Variants in AFG2A observed in about 807,000 individuals in gnomAD.
AFG2A encodes the protein AAA ATPase AFG2A.
chr4:123,204,001 A>G, the AFG2A span, among the ~76,000 whole-genome samples: 4 of 152,152 alleles, frequency 2.6e-5, no homozygotes, highest in African/African-American at 9.7e-5. Flanking sequence ...CTCTTCCTTC[A>G]TCTTCAAAGG....
At chr4:123,248,779 A>G in the AFG2A span, among the ~76,000 whole-genome samples, 4 of 152,210 alleles carry the variant, frequency 2.6e-5, no homozygotes, top group East Asian at 7.7e-4. Context: ...TCAATCTATT[A>G]TTCTAACCTC....
At chr4:123,257,863 G>A in the AFG2A span, among the ~76,000 whole-genome samples, 7 of 152,214 alleles carry the variant, frequency 4.6e-5, no homozygotes, top group Middle Eastern at 3.4e-3. Context: ...TAGTAACATC[G>A]AAGTGCAAAA....
At chr4:123,214,683 G>T in the AFG2A span, among the ~76,000 whole-genome samples, 1 of 151,966 alleles carries the variant, frequency 6.6e-6, no homozygotes, top group Non-Finnish European at 1.5e-5. Flanking sequence ...ATTATAAAAA[G>T]TTAAAATTAT....
At chr4:122,995,186 A>G in the AFG2A span, among the ~76,000 whole-genome samples, 7 of 152,080 alleles carry the variant, frequency 4.6e-5, no homozygotes, top group Admixed American at 4.6e-4. Context: ...TTACAGGCTC[A>G]AAGATTGAGG....
the AFG2A span, among the ~76,000 whole-genome samples, chr4:122,931,381 T>C: frequency 7.2e-5 from 11 of 152,176 alleles, no homozygotes; most frequent in African/African-American, 2.4e-4. Context: ...TGGTTAGTTA[T>C]GTTCTATTAA....
At chr4:123,248,734 A>G in the AFG2A span, among the ~76,000 whole-genome samples, 2 of 152,226 alleles carry the variant, frequency 1.3e-5, no homozygotes, top group Non-Finnish European at 2.9e-5. Flanking sequence ...AGATTTAGAA[A>G]TAAAAATCAA....
the AFG2A span, among the ~76,000 whole-genome samples, chr4:122,988,703 C>T: frequency 6.6e-6 from 1 of 152,118 alleles, no homozygotes; most frequent in South Asian, 2.1e-4. Context: ...CCCATTATTT[C>T]TTTAAGTAAA....
chr4:122,942,429 T>C, the AFG2A span, among the ~76,000 whole-genome samples: 31 of 151,142 alleles, frequency 2.1e-4, no homozygotes, highest in Admixed American at 1.8e-3. Flanking sequence ...GTAGAGGTGT[T>C]TGTAGTATTC....
chr4:123,267,332 G>A, the AFG2A span, among the ~76,000 whole-genome samples: 1 of 151,810 alleles, frequency 6.6e-6, no homozygotes, highest in African/African-American at 2.4e-5. Context: ...GATTATTTCT[G>A]ATGTTCTTTA....
chr4:123,068,830 A>C, the AFG2A span, among the ~76,000 whole-genome samples: 5 of 152,182 alleles, frequency 3.3e-5, no homozygotes, highest in Non-Finnish European at 5.9e-5. Context: ...ACGTGTGAAC[A>C]AATTTTCTTT....
the AFG2A span, among the ~76,000 whole-genome samples, chr4:122,942,612 G>GT: frequency 2.6e-5 from 4 of 152,172 alleles, no homozygotes; most frequent in South Asian, 2.1e-4. Context: ...GTTTTGAAGG[G>GT]TTTTTTTATG....
the AFG2A span, among the ~76,000 whole-genome samples, chr4:123,161,821 A>AT: frequency 2.0e-5 from 3 of 152,228 alleles, no homozygotes; most frequent in East Asian, 5.8e-4. Flanking sequence ...CTAAATAAAA[A>AT]TAAGACAAGG....
At chr4:123,048,078 T>C in the AFG2A span, among the ~76,000 whole-genome samples, 1 of 152,202 alleles carries the variant, frequency 6.6e-6, no homozygotes, top group Non-Finnish European at 1.5e-5. Context: ...CTTCTGCATA[T>C]GGATATTTAC....
the AFG2A span, among the ~76,000 whole-genome samples, chr4:123,308,106 C>T: frequency 6.6e-6 from 1 of 152,208 alleles, no homozygotes; most frequent in African/African-American, 2.4e-5. Flanking sequence ...CAAAGAAGCT[C>T]CTGTTCCTGT....
At chr4:123,053,139 G>A in the AFG2A span, among the ~76,000 whole-genome samples, 9 of 152,090 alleles carry the variant, frequency 5.9e-5, no homozygotes, top group Non-Finnish European at 1.3e-4. Context: ...AATCTCCTCC[G>A]GCAACATCCT....
the AFG2A span, chr4:122,923,083 A>C: frequency 5.0e-6 from 8 of 1,602,662 alleles, no homozygotes; most frequent in African/African-American, 1.1e-4. Context: ...TTTTTCTCTC[A>C]GTTGAAGCGC....
the AFG2A span, chr4:123,028,234 G>C: frequency 0.027 from 43,900 of 1,614,012 alleles, 1,561 homozygotes; most frequent in South Asian, 0.14. Context: ...ACTGAAGTTG[G>C]AACAGGCTGT....
the AFG2A span, among the ~76,000 whole-genome samples, chr4:123,129,987 G>T: frequency 3.3e-3 from 496 of 152,048 alleles, 2 homozygotes; most frequent in African/African-American, 0.011. Flanking sequence ...AACATAGCTG[G>T]TAACTGTTAT....
At chr4:123,106,250 C>T in the AFG2A span, among the ~76,000 whole-genome samples, 1 of 152,134 alleles carries the variant, frequency 6.6e-6, no homozygotes, top group Non-Finnish European at 1.5e-5. Flanking sequence ...ATATATTTTT[C>T]CCCCATACAT....
Sources: allele counts gnomAD v4.1 joint callset (sites outside exome capture counted in the v4.1 genomes callset), GRCh38; gene constraint gnomAD v4.1.1; transcripts MANE v1.5; gene names NCBI Gene and HGNC (gene_info 2026-07-23, HGNC 2026-07-21).